Variants in PCDHA3 observed in about 807,000 individuals in gnomAD.
PCDHA3 encodes the protein protocadherin alpha 3, also known as protocadherin alpha-3.
In PCDHA3, 41 loss-of-function variants were observed where a neutral mutation model predicts 62.2. The observed-to-expected ratio is 0.66, with a 90% confidence interval of 0.51 to 0.86. The LOEUF is 0.86. Ranked by LOEUF, PCDHA3 falls within the 40% of genes least tolerant of loss-of-function variation. The pLI, the probability that PCDHA3 is intolerant of heterozygous loss-of-function variation, is 0.00. For missense variants in PCDHA3, 1,304 were observed against 1,241.2 expected, an observed-to-expected ratio of 1.05 and a Z score of -0.76; for synonymous variants, 640 against 555.4, an observed-to-expected ratio of 1.15 and a Z score of -2.14.
intron 1 of PCDHA3, chr5:140,823,902 G>T (rs915355375): frequency 3.7e-6 from 6 of 1,614,050 alleles, no homozygotes; most frequent in Non-Finnish European, 5.1e-6. Context: ...TGTCCAGCCT[G>T]CTGGTGCTCA....
At chr5:140,855,178 G>T (rs1170062889) in intron 1 of PCDHA3, among the ~76,000 whole-genome samples, 1 of 149,594 alleles carries the variant, frequency 6.7e-6, no homozygotes, top group African/African-American at 2.5e-5. Flanking sequence ...AAACAAATGT[G>T]GCCAAATTGA....
In PCDHA3 at chr5:141,010,432, C is replaced by T; in HGVS notation, c.*495C>T. On this transcript the variant is annotated 3_prime_UTR_variant, in exon 4 of 4. Coordinates refer to ENST00000522353, the MANE Select transcript of PCDHA3 (RefSeq NM_018906.3). The stretch of plus-strand genomic sequence containing the variant: ...AATTGGTACAAGGAAGGCAAGAAAA[C>T]AAAGACAAATAAACAGCGGAAGTTA... 1 of 1,056,970 alleles carries T rather than the reference C, an allele frequency of 9.5e-7. No individual in the cohort carries two copies. The highest frequency in any genetic ancestry group is 1.3e-6 in the Non-Finnish European group (1 of 756,282). 65.5% of individuals were successfully genotyped at this position (1,056,970 alleles called of 1,614,324 possible).
At chr5:140,870,955 C>G (rs782342308) in intron 1 of PCDHA3, 1 of 1,613,632 alleles carries the variant, frequency 6.2e-7, no homozygotes, top group South Asian at 1.1e-5. Context: ...GGGCGGCTCG[C>G]GCATCCCGTT....
intron 1 of PCDHA3, among the ~76,000 whole-genome samples, chr5:140,953,652 G>A (rs2094921965): frequency 6.6e-6 from 1 of 152,102 alleles, no homozygotes; most frequent in South Asian, 2.1e-4. Context: ...AGCTATAGTT[G>A]TTATCTCTGG....
rs1484311028 is a variant in PCDHA3 at position 140,850,855 on chromosome 5, G to C, written c.2394+47264G>C. 8.1e-6 allele frequency: 13 copies of C among 1,595,270 alleles called. No individual in the cohort carries two copies. In the South Asian group the frequency reaches 1.4e-4, roughly 18 times the overall value. ...TGTGCTGGATCTACAGAGCGAACGG[G>C]AGAACCCTCTGCTTCCTCAGATTCA... On this transcript the variant is annotated intron_variant, in intron 1 of 3. Transcript: ENST00000522353.
intron 1 of PCDHA3, among the ~76,000 whole-genome samples, chr5:140,846,624 T>G (rs1554141412): frequency 6.7e-6 from 1 of 149,082 alleles, no homozygotes; most frequent in Non-Finnish European, 1.5e-5. Flanking sequence ...TCCGCCCACT[T>G]CGGCCTCCTA....
At chr5:140,978,246 C>G (rs1243560833) in intron 1 of PCDHA3, among the ~76,000 whole-genome samples, 1 of 152,148 alleles carries the variant, frequency 6.6e-6, no homozygotes, top group Admixed American at 6.5e-5. Context: ...TCAGCTACTC[C>G]CTGTTAAACA....
chr5:140,849,743 G>A lies in PCDHA3; in HGVS notation c.2394+46152G>A, dbSNP rs1554143245. ...TGCTGGACAGAGCTCTGGACCGCGA[G>A]AGTGTGTCCGCCTACGAGCTGGTGG... On this transcript the variant is annotated intron_variant, in intron 1 of 3. Transcript: ENST00000522353. 4 of 1,598,390 alleles carry A rather than the reference G, an allele frequency of 2.5e-6. No individual in the cohort carries two copies. The Admixed American group carries it at 6.7e-5, about 27-fold the overall frequency.
intron 1 of PCDHA3, chr5:140,842,737 C>T: frequency 6.3e-7 from 1 of 1,595,052 alleles, no homozygotes; most frequent in Non-Finnish European, 8.6e-7. Context: ...CGCCGGGCTG[C>T]CACATCTTCA....
At chr5:140,966,763 G>C (rs1020607410) in intron 1 of PCDHA3, 1 of 1,470,370 alleles carries the variant, frequency 6.8e-7, no homozygotes, top group Non-Finnish European at 9.0e-7. Flanking sequence ...CGCGGCCAGT[G>C]GCTATGGAGC....
intron 1 of PCDHA3, chr5:140,882,175 G>T: frequency 6.6e-7 from 1 of 1,515,152 alleles, no homozygotes; most frequent in Non-Finnish European, 8.8e-7. Flanking sequence ...GAATCCTTCC[G>T]CACTAGGAAG....
chr5:140,984,386 A>G (rs2097099955), intron 3 of PCDHA3, among the ~76,000 whole-genome samples: 1 of 152,202 alleles, frequency 6.6e-6, no homozygotes, highest in South Asian at 2.1e-4. Flanking sequence ...TTCAGATTCA[A>G]AAAATGTTGA....
At chr5:140,844,954 C>T (rs1258176227) in intron 1 of PCDHA3, among the ~76,000 whole-genome samples, 1 of 149,088 alleles carries the variant, frequency 6.7e-6, no homozygotes, top group African/African-American at 2.5e-5. Flanking sequence ...ACTCTGAATT[C>T]TTACAGTTTG....
At chr5:140,884,020 G>A (rs61734917) in intron 1 of PCDHA3, 5 of 1,613,174 alleles carry the variant, frequency 3.1e-6, no homozygotes, top group East Asian at 2.2e-5. Flanking sequence ...TGCCGCGGTC[G>A]GTGGGTGCAG....
chr5:141,006,206 A>AT (rs1178693799), intron 3 of PCDHA3, among the ~76,000 whole-genome samples: 16 of 147,954 alleles, frequency 1.1e-4, no homozygotes, highest in East Asian at 5.9e-4. Context: ...GTTATGCCTC[A>AT]TTTTTTTTTA....
At chr5:140,967,613 G>C in intron 1 of PCDHA3, 1 of 1,614,182 alleles carries the variant, frequency 6.2e-7, no homozygotes, top group Non-Finnish European at 8.5e-7. Flanking sequence ...GAATGCCTCA[G>C]ACCCGGATGA....
At chr5:140,805,016 C>A (rs879973697) in intron 1 of PCDHA3, 2 of 1,562,148 alleles carry the variant, frequency 1.3e-6, no homozygotes, top group South Asian at 1.2e-5. Flanking sequence ...CTGTTATCAG[C>A]TTCTTGAATA....
chr5:140,836,793 T>C, intron 1 of PCDHA3: 8 of 1,403,902 alleles, frequency 5.7e-6, no homozygotes, highest in Non-Finnish European at 7.8e-6. Flanking sequence ...GTTCAATTGG[T>C]CTCCTTAAAT....
rs374159724 is a variant in PCDHA3 at position 140,856,795 on chromosome 5, G to T, written c.2394+53204G>T. The T allele has an allele frequency of 2.1e-5, 34 of 1,595,942 alleles. 4 individuals are homozygous for T. Among genetic ancestry groups the T allele is most frequent in the Non-Finnish European group, 2.7e-5 (32 of 1,165,996 alleles). ...TTGACAGACCGGTTTATGAAGTTAA[G>T]ATGTATGAAAATCAAGTGAACCAAA... On this transcript the variant is annotated intron_variant, in intron 1 of 3. Transcript: ENST00000522353.
Sources: allele counts gnomAD v4.1 joint callset (sites outside exome capture counted in the v4.1 genomes callset), GRCh38; gene constraint gnomAD v4.1.1; transcripts MANE v1.5; gene names NCBI Gene and HGNC (gene_info 2026-07-23, HGNC 2026-07-21).